Variants in RBM17 observed in about 807,000 individuals in gnomAD.
The protein encoded by RBM17 is RNA binding motif protein 17, also known as splicing factor 45.
Under a neutral mutation model 53.2 loss-of-function variants are expected in RBM17, and 7 were observed. That is an observed-to-expected ratio of 0.13 (90% CI 0.07 to 0.25). RBM17 has a LOEUF of 0.25. Among genes scored for constraint, RBM17 ranks in the 10% least tolerant of loss-of-function variants. RBM17 has a pLI of 1.00. For synonymous variants in RBM17, 167 were observed against 178.1 expected, an observed-to-expected ratio of 0.94 and a Z score of 0.50; for missense variants, 257 against 496.7, an observed-to-expected ratio of 0.52 and a Z score of 4.59.
At chr10:6,113,371 G>GTATC in intron 8 of RBM17, 137 bp from the exon 9 acceptor site, 2 of 632,366 alleles carry the variant, frequency 3.2e-6, no homozygotes. Flanking sequence ...GACCAATTGT[G>GTATC]TAGATGCCTA....
chr10:6,115,365 A>G, intron 11 of RBM17, 54 bp downstream of exon 11: 7 of 1,541,684 alleles, frequency 4.5e-6, no homozygotes, highest in Non-Finnish European at 6.3e-6. Context: ...TACAGCCTTA[A>G]TCTTTACAAG....
At position 6,089,533 on chromosome 10, in the gene RBM17, A is replaced by C. The variant is rs190568974; in HGVS notation, c.-19+340A>C. ...CCGTCTCGTGCACCGCATCCTGACG[A>C]AATTGTCTGGTCACCAGAACCGAGT... On this transcript the variant is annotated intron_variant, in intron 1 of 11. Transcript: ENST00000379888. This position sits in a 1 kb window ranked among gnomAD's most constrained non-coding sequence, Gnocchi z 5.6. 6.5e-6 allele frequency: 1 copy of C among 152,824 alleles called. No homozygotes were observed. Among genetic ancestry groups the C allele is most frequent in the Non-Finnish European group, 1.5e-5 (1 of 68,342 alleles). The allele number at this position is 152,824 out of a possible 1,614,324, so 9.5% of individuals were successfully genotyped here. A position where few individuals can be genotyped will look rare whatever the true frequency, so the allele number is the denominator to read the frequency against.
intron 2 of RBM17, among the ~76,000 whole-genome samples, chr10:6,098,571 T>TTTTTTTTG (rs1564566273): frequency 9.9e-4 from 90 of 91,156 alleles, no homozygotes; most frequent in African/African-American, 2.8e-3. Context: ...TTGTTTTTTT[T>TTTTTTTTG]TTTTTTTTTT....
chr10:6,093,695 G>A (rs1225565987), intron 1 of RBM17, among the ~76,000 whole-genome samples: 1 of 152,188 alleles, frequency 6.6e-6, no homozygotes, highest in Non-Finnish European at 1.5e-5. Context: ...GTTATAAAGA[G>A]AAATGGGTTG....
At chr10:6,091,362 C>T (rs1178476620) in intron 1 of RBM17, among the ~76,000 whole-genome samples, 1 of 151,732 alleles carries the variant, frequency 6.6e-6, no homozygotes, top group African/African-American at 2.4e-5. Flanking sequence ...CCCGGTCTTG[C>T]CATATTCTTT....
At chr10:6,094,657 A>G (rs185430565) in intron 1 of RBM17, among the ~76,000 whole-genome samples, 38 of 152,350 alleles carry the variant, frequency 2.5e-4, no homozygotes, top group African/African-American at 8.7e-4. Context: ...GACACTCAGC[A>G]TGGTTTTTCT....
intron 10 of RBM17, chr10:6,114,884 C>T (rs561469873): frequency 6.6e-4 from 147 of 221,378 alleles, no homozygotes; most frequent in African/African-American, 3.1e-3. Context: ...TGTGAAAGGC[C>T]ACTAGGGCAC....
chr10:6,104,026 G>C (rs1200694364), intron 3 of RBM17, among the ~76,000 whole-genome samples: 6 of 152,230 alleles, frequency 3.9e-5, no homozygotes, highest in Admixed American at 1.3e-4. Context: ...TTCAAAACCA[G>C]AGAAGGCATC....
intron 1 of RBM17, among the ~76,000 whole-genome samples, chr10:6,093,409 G>A (rs951576308): frequency 1.3e-5 from 2 of 152,064 alleles, no homozygotes; most frequent in African/African-American, 4.8e-5. Context: ...AATAGAGATG[G>A]GTTTTCACCA....
At position 6,098,563 on chromosome 10, in the gene RBM17, G is replaced by GTTT. The variant is rs398012715; in HGVS notation, c.123+1403_123+1405dup. Among the ~76,000 whole-genome samples, 27 of 46,662 alleles carry GTTT rather than the reference G, an allele frequency of 5.8e-4. 2 individuals carry two copies. Among genetic ancestry groups the GTTT allele is most frequent in the Middle Eastern group, 0.016 (1 of 64 alleles). The allele number at this position is 46,662 out of a possible 152,430, so 30.6% of individuals were successfully genotyped here. ...AATTTCCGTAATACACAGGTTTTTTGTTTTTTTTTTTTTTTTTTTTTTTTT... is the reference window on the plus strand; with the variant it reads ...AATTTCCGTAATACACAGGTTTTTTGTTTTTTTTTTTTTTTTTTTTTTTTTTTT... On this transcript the variant is annotated intron_variant, in intron 2 of 11. Transcript: ENST00000379888.
Position 6,103,934 on chromosome 10 carries a change from G to T in RBM17, c.241-997G>T, listed in dbSNP as rs1414729023. ...AAGAGGTACAGACTGGGCGCTCAAG[G>T]ACATGAATCCTTGTTGTTTTGCATG... is the stretch of plus-strand genomic sequence containing the variant. On this transcript the variant is annotated intron_variant, in intron 3 of 11. Coordinates refer to ENST00000379888, the MANE Select transcript of RBM17 (RefSeq NM_032905.5). 4.6e-5 allele frequency among the ~76,000 whole-genome samples: 7 copies of T among 152,282 alleles called. No individual in the cohort carries two copies. The East Asian group carries it at 1.3e-3, about 29-fold the overall frequency.
In RBM17 at chr10:6,112,437, C is replaced by G; in HGVS notation, c.856+76C>G. 1.3e-6 allele frequency: 2 copies of G among 1,553,642 alleles called. No homozygotes were observed. Among genetic ancestry groups the G allele is most frequent in the Non-Finnish European group, 1.8e-6 (2 of 1,133,742 alleles). On this transcript the variant is annotated intron_variant, in intron 8 of 11. Transcript: ENST00000379888. The surrounding 1 kb of genome is among the most constrained non-coding windows in gnomAD (Gnocchi z 4.4). ...ATATCAGACATGGCCAGTCTTGATCCTCATGTGTCAGCAGGGGGACAATGA... is the reference window on the plus strand; with the variant it reads ...ATATCAGACATGGCCAGTCTTGATCGTCATGTGTCAGCAGGGGGACAATGA...
intron 2 of RBM17, among the ~76,000 whole-genome samples, chr10:6,098,563 GTTTT>G (rs398012715): frequency 1.7e-4 from 8 of 46,640 alleles, no homozygotes; most frequent in South Asian, 5.6e-4. Context: ...CAGGTTTTTT[GTTTT>G]TTTTTTTTTT....
rs1216764713 is a variant in RBM17 at position 6,110,027 on chromosome 10, T to A, written c.604T>A (p.Ser202Thr). The change falls in exon 7 of 12, where the codon TCA (serine) becomes ACA (threonine). Residue 202 changes from serine (S) to threonine (T), a missense_variant. This residue lies in a region of RBM17 where 68 missense variants were observed against 60.0 expected (regional missense o/e 1.13). Coordinates refer to ENST00000379888, the MANE Select transcript of RBM17 (RefSeq NM_032905.5). ...TTATGAAGAGGACTCAAGACCTCGATCACAGTCTTCCAAAGCAGCCATTCC... is the reference window on the plus strand; with the variant it reads ...TTATGAAGAGGACTCAAGACCTCGAACACAGTCTTCCAAAGCAGCCATTCC... ...FPYEEDSRPR[S>T]QSSKAAIPPP... 1.9e-6 allele frequency: 3 copies of A among 1,613,086 alleles called. No homozygotes were observed. The highest frequency in any genetic ancestry group is 1.3e-5 in the African/African-American group (1 of 74,898).
intron 3 of RBM17, among the ~76,000 whole-genome samples, chr10:6,101,915 A>C (rs1393448231): frequency 2.6e-5 from 4 of 152,244 alleles, no homozygotes; most frequent in Non-Finnish European, 5.9e-5. Context: ...TTTAAAACCC[A>C]CTTCTACCAC....
At chr10:6,093,183 T>A (rs1433953547) in intron 1 of RBM17, among the ~76,000 whole-genome samples, 1 of 152,198 alleles carries the variant, frequency 6.6e-6, no homozygotes, top group Non-Finnish European at 1.5e-5. Context: ...CTTCCTTCCC[T>A]TATTCCCCAG....
intron 1 of RBM17, among the ~76,000 whole-genome samples, chr10:6,092,103 G>A (rs560502726): frequency 6.6e-6 from 1 of 152,312 alleles, no homozygotes; most frequent in South Asian, 2.1e-4. Flanking sequence ...GTTGCTCAAA[G>A]GGAAGTGTTG....
rs1213624081 is a variant in RBM17 at position 6,089,346 on chromosome 10, A to C, written c.-19+153A>C. ...CGCAGCCGGAGCCTCCGAGGGTCTC[A>C]GTCCCCGCGGCGGGCGCTGGTCTCT... On this transcript the variant is annotated intron_variant, in intron 1 of 11. Transcript: ENST00000379888. This position sits in a 1 kb window ranked among gnomAD's most constrained non-coding sequence, Gnocchi z 5.6. 2 of 152,208 alleles carry C rather than the reference A, an allele frequency of 1.3e-5. No individual in the cohort carries two copies. Among genetic ancestry groups the C allele is most frequent in the African/African-American group, 4.8e-5 (2 of 41,426 alleles). 9.4% of individuals were successfully genotyped at this position (152,208 alleles called of 1,614,324 possible).
rs941034304 is a variant in RBM17 at position 6,089,085 on chromosome 10, G to C, written c.-127G>C. On this transcript the variant is annotated 5_prime_UTR_variant, in exon 1 of 12. Coordinates refer to ENST00000379888, the MANE Select transcript of RBM17 (RefSeq NM_032905.5). The surrounding 1 kb of genome is among the most constrained non-coding windows in gnomAD (Gnocchi z 5.6). The stretch of plus-strand genomic sequence containing the variant: ...CCGAGCGCCCTGAGGACTCAGCGAA[G>C]GGTGGGCGCCGCCGAGGCCTCCTGC... 1.9e-5 allele frequency: 3 copies of C among 156,680 alleles called. No individual in the cohort carries two copies. Among genetic ancestry groups the C allele is most frequent in the Non-Finnish European group, 2.8e-5 (2 of 71,224 alleles). 9.7% of individuals were successfully genotyped at this position (156,680 alleles called of 1,614,324 possible).
Sources: allele counts gnomAD v4.1 joint callset (sites outside exome capture counted in the v4.1 genomes callset), GRCh38; gene constraint gnomAD v4.1.1; regional missense constraint gnomAD v4.1.1; non-coding constraint Gnocchi (gnomAD v3.1); transcripts MANE v1.5; gene names NCBI Gene and HGNC (gene_info 2026-07-23, HGNC 2026-07-21).